Variants in APBA2 observed in about 807,000 individuals in gnomAD.
APBA2 encodes amyloid-beta A4 precursor protein-binding family A member 2.
A neutral mutation model predicts 75.0 loss-of-function variants in APBA2; 30 were observed. The ratio of observed to expected loss-of-function variants is 0.40; its 90% CI spans 0.30 to 0.54. The LOEUF (loss-of-function observed/expected upper bound fraction) is 0.54. Ranked by LOEUF, APBA2 falls within the 20% of genes least tolerant of loss-of-function variation. APBA2 has a pLI of 0.49. For synonymous variants in APBA2, 444 were observed against 409.6 expected (o/e 1.08, Z -1.01); for missense variants, 801 against 1,016.1 (o/e 0.79, Z 2.88).
chr15:28,981,491 A>T (rs2037618864), intron 2 of APBA2, among the ~76,000 whole-genome samples: 1 of 152,224 alleles, frequency 6.6e-6, no homozygotes, highest in African/African-American at 2.4e-5. Flanking sequence ...GCTATTTTTC[A>T]AAAGCAAAAA....
At chr15:28,916,281 G>A (rs1461459512) in intron 1 of APBA2, among the ~76,000 whole-genome samples, 11 of 152,268 alleles carry the variant, frequency 7.2e-5, no homozygotes, top group African/African-American at 1.7e-4. Context: ...CCAGAGTGGC[G>A]GCCCGTTTGG....
chr15:29,070,709 G>A (rs2042581296), intron 4 of APBA2: 1 of 211,358 alleles, frequency 4.7e-6, no homozygotes, highest in African/African-American at 2.3e-5. Flanking sequence ...GCTGCTGAGT[G>A]AGACCTTCCA....
At chr15:29,071,838 G>A (rs149380359) in intron 4 of APBA2, among the ~76,000 whole-genome samples, 4 of 151,834 alleles carry the variant, frequency 2.6e-5, no homozygotes, top group African/African-American at 9.7e-5. Context: ...TAGAGGAAAC[G>A]CTGTTATGGA....
intron 1 of APBA2, among the ~76,000 whole-genome samples, chr15:28,908,315 G>GTTTTTT (rs765084356): frequency 7.3e-6 from 1 of 137,594 alleles, no homozygotes; most frequent in African/African-American, 3.0e-5. Flanking sequence ...TTGTTTTCTT[G>GTTTTTT]TTTTTTTTTT....
intron 3 of APBA2, among the ~76,000 whole-genome samples, chr15:29,049,799 G>T (rs2041510187): frequency 6.6e-6 from 1 of 152,136 alleles, no homozygotes; most frequent in South Asian, 2.1e-4. Flanking sequence ...GTGAGTTAGT[G>T]TTTTGGAAGG....
chr15:29,078,759 G>A (rs1448505621), intron 6 of APBA2, among the ~76,000 whole-genome samples: 1 of 152,130 alleles, frequency 6.6e-6, no homozygotes, highest in Admixed American at 6.5e-5. Context: ...CACAGTGTGT[G>A]GGCAGCCCCA....
At chr15:29,045,591 A>G (rs949716113) in intron 3 of APBA2, among the ~76,000 whole-genome samples, 1 of 152,180 alleles carries the variant, frequency 6.6e-6, no homozygotes, top group African/African-American at 2.4e-5. Context: ...AGCCATTAAA[A>G]TGATACCTAT....
At chr15:28,957,321 C>G (rs898217047) in intron 2 of APBA2, among the ~76,000 whole-genome samples, 3 of 152,094 alleles carry the variant, frequency 2.0e-5, no homozygotes, top group Non-Finnish European at 4.4e-5. Flanking sequence ...GTGATCCGCC[C>G]GCCTCGGCCT....
In APBA2 at chr15:29,046,529, G is replaced by C. The variant is rs1174090614; in HGVS notation, c.-40-7316G>C. Reference sequence around the variant, plus strand: ...CTTGTATTTGTTGACAAGGAGGTCAGATCCATTCCCTGGGCCGTCATCAGA... The same window carrying C: ...CTTGTATTTGTTGACAAGGAGGTCACATCCATTCCCTGGGCCGTCATCAGA... On this transcript the variant is annotated intron_variant, in intron 3 of 14. Transcript: ENST00000683413. This position sits in a 1 kb window ranked among gnomAD's most constrained non-coding sequence, Gnocchi z 5.0. Among the ~76,000 whole-genome samples the C allele has an allele frequency of 1.3e-5, 2 of 152,222 alleles. No homozygotes were observed. Among genetic ancestry groups the C allele is most frequent in the Admixed American group, 6.5e-5 (1 of 15,286 alleles).
chr15:28,895,011 C>T (rs1446686021), intron 1 of APBA2, among the ~76,000 whole-genome samples: 1 of 152,150 alleles, frequency 6.6e-6, no homozygotes, highest in African/African-American at 2.4e-5. Flanking sequence ...GCTGCCAAGT[C>T]CCAGCCTTGC....
intron 1 of APBA2, among the ~76,000 whole-genome samples, chr15:28,896,757 A>G (rs1413771221): frequency 6.6e-6 from 1 of 152,050 alleles, no homozygotes; most frequent in African/African-American, 2.4e-5. Flanking sequence ...GTCCCATAAA[A>G]CCCACCCATA....
At chr15:28,930,248 C>T (rs1162921409) in intron 2 of APBA2, among the ~76,000 whole-genome samples, 2 of 152,104 alleles carry the variant, frequency 1.3e-5, no homozygotes, top group Non-Finnish European at 2.9e-5. Flanking sequence ...GGCTTGACTT[C>T]CCCTCAGAAG....
At chr15:29,057,514 G>C (rs2041952684) in intron 4 of APBA2, among the ~76,000 whole-genome samples, 2 of 152,208 alleles carry the variant, frequency 1.3e-5, no homozygotes, top group South Asian at 4.1e-4. Context: ...TAACGGATGA[G>C]CTATTTCATC....
Position 29,054,185 on chromosome 15 carries a change from A to C in APBA2, c.301A>C (p.Ile101Leu), listed in dbSNP as rs2041757504. The C allele has an allele frequency of 6.2e-7, 1 of 1,614,138 alleles. No homozygotes were observed. The highest frequency in any genetic ancestry group is 8.5e-7 in the Non-Finnish European group (1 of 1,180,008). The stretch of plus-strand genomic sequence containing the variant: ...GGAGGAGGAGGGCATCACCTACTAC[A>C]TCCGCTACTGCCCTGAGGACGACAG... ...PEEEEGITYY[I>L]RYCPEDDSYL... is the part of the protein sequence containing the mutation. The change falls in exon 4 of 15, where the codon ATC becomes CTC. Residue 101 changes from isoleucine (I) to leucine (L), a missense_variant. Transcript: ENST00000683413. This position sits in a 1 kb window ranked among gnomAD's most constrained non-coding sequence, Gnocchi z 6.1.
At chr15:28,913,218 G>C (rs534451871) in intron 1 of APBA2, among the ~76,000 whole-genome samples, 10 of 152,290 alleles carry the variant, frequency 6.6e-5, no homozygotes, top group African/African-American at 2.4e-4. Context: ...CTGATACAGG[G>C]ATCCTTGCTG....
At chr15:28,980,121 G>C (rs371284456) in intron 2 of APBA2, among the ~76,000 whole-genome samples, 1 of 152,164 alleles carries the variant, frequency 6.6e-6, no homozygotes, top group Non-Finnish European at 1.5e-5. Flanking sequence ...AGCACTGGCC[G>C]TGTAGGTTTG....
At position 28,938,683 on chromosome 15, in the gene APBA2, A is replaced by G. The variant is rs1240864275; in HGVS notation, c.-95+16934A>G. Among the ~76,000 whole-genome samples, 6 of 152,014 alleles carry G rather than the reference A, an allele frequency of 3.9e-5. 1 individual carries two copies. The highest frequency in any genetic ancestry group is 1.3e-4 in the Admixed American group (2 of 15,256). On this transcript the variant is annotated intron_variant, in intron 2 of 14. Coordinates refer to ENST00000683413, the MANE Select transcript of APBA2 (RefSeq NM_001353788.2). ...GCCACCTCGCCTGGCTAATTTTTGT[A>G]TTTTTAGTAGAGATGGGGTTTCACC...
At chr15:28,886,493 T>G (rs2031733970) in intron 1 of APBA2, among the ~76,000 whole-genome samples, 1 of 121,284 alleles carries the variant, frequency 8.2e-6, no homozygotes, top group East Asian at 2.9e-4. Flanking sequence ...GACCGGCCGC[T>G]TCCCCCTCCC....
chr15:29,005,437 T>C (rs553938269), intron 3 of APBA2, among the ~76,000 whole-genome samples: 2 of 152,246 alleles, frequency 1.3e-5, no homozygotes, highest in South Asian at 2.1e-4. Flanking sequence ...ATTTTTAAAT[T>C]TTTAATTAGA....
Sources: allele counts gnomAD v4.1 joint callset (sites outside exome capture counted in the v4.1 genomes callset), GRCh38; gene constraint gnomAD v4.1.1; non-coding constraint Gnocchi (gnomAD v3.1); transcripts MANE v1.5; gene names NCBI Gene and HGNC (gene_info 2026-07-23, HGNC 2026-07-21).